Variants in NDEL1 observed in about 807,000 individuals in gnomAD.
The protein encoded by NDEL1 is nudE neurodevelopment protein 1 like 1.
In NDEL1, 9 loss-of-function variants were observed where a neutral mutation model predicts 45.7. The observed-to-expected ratio is 0.20, with a 90% CI of 0.12 to 0.34. The LOEUF is 0.34. Ranked by LOEUF, NDEL1 falls within the 10% of genes least tolerant of loss-of-function variation. The pLI, the probability that NDEL1 is intolerant of heterozygous loss-of-function variation, is 1.00. For synonymous variants in NDEL1, 133 were observed against 158.6 expected, an observed-to-expected ratio of 0.84 and a Z score of 1.21; for missense variants, 306 against 406.2, an observed-to-expected ratio of 0.75 and a Z score of 2.12.
At chr17:8,446,634 T>C (rs1910094831) in intron 3 of NDEL1, 120 bp from the exon 4 acceptor site, 1 of 957,944 alleles carries the variant, frequency 1.0e-6, no homozygotes, top group Non-Finnish European at 1.5e-6. Flanking sequence ...TTTAAAGTAA[T>C]TGTTACAAGA....
intron 1 of NDEL1, among the ~76,000 whole-genome samples, chr17:8,428,383 G>A (rs995650800): frequency 1.0e-5 from 1 of 98,460 alleles, no homozygotes. Context: ...TTTTTTTTCC[G>A]AGACAGAGTC....
intron 1 of NDEL1, among the ~76,000 whole-genome samples, chr17:8,442,850 C>T (rs1311874172): frequency 1.4e-5 from 2 of 144,120 alleles, no homozygotes; most frequent in African/African-American, 5.2e-5. Flanking sequence ...AGTGCAGTGG[C>T]GCAATCTTGG....
chr17:8,430,498 C>T (rs771309030), intron 1 of NDEL1, among the ~76,000 whole-genome samples: 1 of 152,280 alleles, frequency 6.6e-6, no homozygotes, highest in Non-Finnish European at 1.5e-5. Flanking sequence ...GGGCTTGTAC[C>T]CAGATCTCTC....
chr17:8,445,617 C>G, intron 2 of NDEL1, 94 bp from the exon 3 acceptor site: 1 of 1,360,202 alleles, frequency 7.4e-7, no homozygotes, highest in Non-Finnish European at 9.9e-7. Flanking sequence ...CATTAGCATT[C>G]AAGCAAAAAT....
At chr17:8,427,063 G>C (rs978270835) in intron 1 of NDEL1, among the ~76,000 whole-genome samples, 1 of 152,234 alleles carries the variant, frequency 6.6e-6, no homozygotes, top group Non-Finnish European at 1.5e-5. Flanking sequence ...GAAAGGGAAG[G>C]AAAGGGAAGG....
chr17:8,436,290 C>T, intron 1 of NDEL1: 1 of 181,328 alleles, frequency 5.5e-6, no homozygotes, highest in South Asian at 8.8e-5. Flanking sequence ...CGGTGGCCTC[C>T]GGAAGATGTG....
downstream of NDEL1, chr17:8,468,173 C>T (rs533239339): frequency 6.6e-6 from 1 of 152,380 alleles, no homozygotes; most frequent in African/African-American, 2.4e-5. Context: ...ATTGACGTTG[C>T]TTTATTCAGT....
chr17:8,415,211 C>T lies in NDEL1; in HGVS notation c.-13+1942C>T, dbSNP rs536342011. Among the ~76,000 whole-genome samples, 27 of 150,110 alleles carry T rather than the reference C, an allele frequency of 1.8e-4. 1 individual carries two copies. The highest frequency in any genetic ancestry group is 6.6e-4 in the African/African-American group (27 of 40,792). On this transcript the variant is annotated intron_variant, in intron 1 of 4. Transcript: ENST00000582812. ...CTTTCTTTTTTGAGATGGGATCTTG[C>T]TCTGTTGCCCAGGCTGGAGTGCAGT...
chr17:8,472,155 A>T (rs1360043534), downstream of NDEL1, among the ~76,000 whole-genome samples: 2 of 152,202 alleles, frequency 1.3e-5, no homozygotes, highest in African/African-American at 4.8e-5. Context: ...GTCCCTCAGC[A>T]GCACCGGCCT....
chr17:8,416,605 T>A (rs1161324996), intron 1 of NDEL1, among the ~76,000 whole-genome samples: 1 of 152,208 alleles, frequency 6.6e-6, no homozygotes, highest in Non-Finnish European at 1.5e-5. Context: ...AGGAGTGTCT[T>A]GTCATCCCTA....
chr17:8,469,949 C>T (rs1238655032), downstream of NDEL1, among the ~76,000 whole-genome samples: 2 of 148,248 alleles, frequency 1.3e-5, no homozygotes, highest in African/African-American at 5.0e-5. Context: ...CTCAGGTAAT[C>T]CACCCGCCTC....
At chr17:8,436,940 C>T (rs1909388735) in intron 1 of NDEL1, among the ~76,000 whole-genome samples, 1 of 152,164 alleles carries the variant, frequency 6.6e-6, no homozygotes, top group Non-Finnish European at 1.5e-5. Flanking sequence ...GTTCTGGTTT[C>T]TTTTCGTGGG....
chr17:8,448,791 A>C (rs1910263834), intron 5 of NDEL1, 105 bp downstream of exon 5: 1 of 1,154,028 alleles, frequency 8.7e-7, no homozygotes, highest in Non-Finnish European at 1.2e-6. Context: ...ATGTGGATTG[A>C]AAATACAGTA....
chr17:8,446,448 G>T (rs369976070), intron 3 of NDEL1, among the ~76,000 whole-genome samples: 1 of 152,160 alleles, frequency 6.6e-6, no homozygotes, highest in Non-Finnish European at 1.5e-5. Context: ...ACCCTGGGCC[G>T]CATTTAGCCT....
chr17:8,458,924 G>A (rs1253188140), intron 7 of NDEL1, among the ~76,000 whole-genome samples: 1 of 151,966 alleles, frequency 6.6e-6, no homozygotes, highest in African/African-American at 2.4e-5. Context: ...TAGAGACAGG[G>A]TTTTACCATC....
downstream of NDEL1, among the ~76,000 whole-genome samples, chr17:8,473,045 A>G (rs370838946): frequency 4.1e-4 from 62 of 152,310 alleles, no homozygotes; most frequent in African/African-American, 1.4e-3. Context: ...CGGGTCAGTC[A>G]AGAAGGGACC....
rs1911678876 is a variant in NDEL1 at position 8,467,500 on chromosome 17, TCACA to T, written c.*478_*481del. 3 of 349,858 alleles carry T rather than the reference TCACA, an allele frequency of 8.6e-6. No individual in the cohort carries two copies. The highest frequency in any genetic ancestry group is 1.0e-5 in the Non-Finnish European group (2 of 195,128). 21.7% of individuals were successfully genotyped at this position (349,858 alleles called of 1,614,324 possible). A position where few individuals can be genotyped will look rare whatever the true frequency, so the allele number is the denominator to read the frequency against. On this transcript the variant is annotated 3_prime_UTR_variant, in exon 9 of 9. Coordinates refer to ENST00000334527, the MANE Select transcript of NDEL1 (RefSeq NM_030808.5). The surrounding 1 kb of genome is among the most constrained non-coding windows in gnomAD (Gnocchi z 6.3). The stretch of plus-strand genomic sequence containing the variant: ...ATCATGTGTCCCCCAACTCCACCCC[TCACA>T]GTTTGGGCCTGTTTCTGGCAAAGAG...
At chr17:8,454,929 G>T in intron 7 of NDEL1, 42 bp downstream of exon 7, 1 of 1,474,692 alleles carries the variant, frequency 6.8e-7, no homozygotes, top group Non-Finnish European at 9.4e-7. Flanking sequence ...CCACTGACAA[G>T]GTATTGAATT....
chr17:8,454,363 C>G (rs1034186735), intron 6 of NDEL1, among the ~76,000 whole-genome samples: 1 of 151,170 alleles, frequency 6.6e-6, no homozygotes, highest in Non-Finnish European at 1.5e-5. Context: ...AACTAAAAAA[C>G]GTGACTATCA....
Sources: gnomAD v4.1 joint callset for allele counts (sites outside exome capture counted in the v4.1 genomes callset) on GRCh38, gnomAD v4.1.1 for gene constraint, Gnocchi (gnomAD v3.1) non-coding constraint, MANE v1.5 for transcripts, NCBI Gene and HGNC (gene_info 2026-07-23, HGNC 2026-07-21) for gene names.